Variants in ADAP1 observed in about 807,000 individuals in gnomAD.
ADAP1 encodes the protein arf-GAP with dual PH domain-containing protein 1.
In ADAP1, 31 loss-of-function variants were observed where a neutral mutation model predicts 54.9. That is an observed-to-expected ratio of 0.56 (90% confidence interval 0.42 to 0.76). ADAP1 has a LOEUF of 0.76. Ranked by LOEUF, ADAP1 falls within the 30% of genes least tolerant of loss-of-function variation. The pLI, the probability that ADAP1 is intolerant of heterozygous loss-of-function variation, is 0.00. For missense variants in ADAP1, 535 were observed against 512.4 expected, an observed-to-expected ratio of 1.04 and a Z score of -0.42; for synonymous variants, 313 against 202.6, an observed-to-expected ratio of 1.55 and a Z score of -4.63.
At position 905,047 on chromosome 7, in the gene ADAP1, G is replaced by T; in HGVS notation, c.501+13C>A. On this transcript the variant is annotated intron_variant, in intron 5 of 10. Transcript: ENST00000265846. ...TGGGACAGGCCCCCACCCCACCCCC[G>T]TCTGTGACTCACATCATTTCTGTTG... The T allele has an allele frequency of 6.2e-7, 1 of 1,606,912 alleles. No individual in the cohort carries two copies. Among genetic ancestry groups the T allele is most frequent in the Non-Finnish European group, 8.5e-7 (1 of 1,178,272 alleles).
rs1399881628 is a variant in ADAP1, at chr7:899,030, C to G, written c.1096+3G>C. 1 of 1,609,566 alleles carries G rather than the reference C, an allele frequency of 6.2e-7. No homozygotes were observed. On this transcript the variant is annotated splice_donor_region_variant and intron_variant, in intron 10 of 10. Coordinates refer to ENST00000265846, the MANE Select transcript of ADAP1 (RefSeq NM_006869.4). Reference sequence around the variant, plus strand: ...CAGGCCGCCGGCCGCCCGCCCCCCTCACCTGCGTACTCCTGGGGCAGCATG... The same window carrying G: ...CAGGCCGCCGGCCGCCCGCCCCCCTGACCTGCGTACTCCTGGGGCAGCATG...
In ADAP1 at chr7:926,976, G is replaced by C. The variant is rs1583170135; in HGVS notation, c.214-332C>G. On this transcript the variant is annotated intron_variant, in intron 2 of 10. Coordinates refer to ENST00000265846, the MANE Select transcript of ADAP1 (RefSeq NM_006869.4). The surrounding 1 kb of genome is among the most constrained non-coding windows in gnomAD (Gnocchi z 4.6). ...CACCCACACCGGGTGTCCCGTGGGA[G>C]AGAGCTGGCTGCATCCTGTGACCCC... 1 of 1,261,852 alleles carries C rather than the reference G, an allele frequency of 7.9e-7. No individual in the cohort carries two copies. The highest frequency in any genetic ancestry group is 4.6e-5 in the East Asian group (1 of 21,792). The allele number at this position is 1,261,852 out of a possible 1,614,324, so 78.2% of individuals were successfully genotyped here.
At chr7:937,143 C>T (rs1846789931) in intron 1 of ADAP1, among the ~76,000 whole-genome samples, 1 of 100,170 alleles carries the variant, frequency 1.0e-5, no homozygotes, top group Admixed American at 1.0e-4. Context: ...ATTTGGGGGT[C>T]ACGCCCGGCC....
chr7:954,432 G>A lies in ADAP1; in HGVS notation c.46C>T (p.Pro16Ser). 4 of 1,137,814 alleles carry A rather than the reference G, an allele frequency of 3.5e-6. No individual in the cohort carries two copies. Among genetic ancestry groups the A allele is most frequent in the Non-Finnish European group, 4.4e-6 (4 of 916,086 alleles). The allele number at this position is 1,137,814 out of a possible 1,614,324, so 70.5% of individuals were successfully genotyped here. A position where few individuals can be genotyped will look rare whatever the true frequency, so the allele number is the denominator to read the frequency against. ...CAGTCCGCGCAGCGCGCGTTCCCCG[G>A]CCGCTGCAGCAGCTCCAGGACCGCC... ...RRAVLELLQRPGNARCADCGA... is the reference protein window; with the variant it reads ...RRAVLELLQRSGNARCADCGA... The change falls in exon 1 of 11, where the codon CCG becomes TCG. Residue 16 changes from proline to serine, a missense_variant. Pro to Ser is a moderately conservative substitution (Grantham distance 74). Coordinates refer to ENST00000265846, the MANE Select transcript of ADAP1 (RefSeq NM_006869.4).
At chr7:955,314 C>T, upstream of ADAP1, 1 of 1,550,308 alleles carries the variant, frequency 6.5e-7, no homozygotes, top group Non-Finnish European at 8.7e-7. Context: ...CTCGCGTGCC[C>T]TTCCTCTGCA....
At chr7:951,386 A>T (rs76933160) in intron 1 of ADAP1, among the ~76,000 whole-genome samples, 2 of 151,276 alleles carry the variant, frequency 1.3e-5, no homozygotes, top group Non-Finnish European at 1.5e-5. Context: ...AAAAAAAAAA[A>T]ATATCCAACC....
chr7:943,223 A>T (rs1160669117), intron 1 of ADAP1, among the ~76,000 whole-genome samples: 1 of 47,404 alleles, frequency 2.1e-5, no homozygotes, highest in Admixed American at 1.9e-4. Context: ...GGAGGAAGAG[A>T]GAGGAGGAGG....
chr7:903,248 C>A (rs1844912023), intron 6 of ADAP1, among the ~76,000 whole-genome samples: 1 of 152,146 alleles, frequency 6.6e-6, no homozygotes, highest in African/African-American at 2.4e-5. Context: ...GACTCGGCCC[C>A]CTAACAAACC....
chr7:905,722 G>A (rs1845206552), intron 4 of ADAP1: 1 of 90,928 alleles, frequency 1.1e-5, no homozygotes, highest in African/African-American at 5.4e-5. Flanking sequence ...AAAGGAGAAA[G>A]GGAAAGGAGA....
intron 4 of ADAP1, among the ~76,000 whole-genome samples, chr7:905,786 GA>G (rs1221828037): frequency 5.0e-4 from 25 of 50,348 alleles, no homozygotes; most frequent in African/African-American, 1.7e-3. Flanking sequence ...GGAGAAAGGA[GA>G]AAGGAGAAAG....
At chr7:933,463 CAGGGGTCAGTGGTGCTGGAGAGCCGGGG>C (rs1239171413) in intron 2 of ADAP1, among the ~76,000 whole-genome samples, 207 of 93,654 alleles carry the variant, frequency 2.2e-3, no homozygotes, top group African/African-American at 5.8e-3. Flanking sequence ...CAACCAGGGG[CAGGGGTCAGTGGTGCTGGAGAGCCGGGG>C]GCCGGGGTCA....
At chr7:952,827 C>G (rs6462143) in intron 1 of ADAP1, among the ~76,000 whole-genome samples, 111,316 of 152,086 alleles carry the variant, frequency 0.73, 41,285 homozygotes, top group South Asian at 0.86. Flanking sequence ...GGCATAGGGA[C>G]GGCAGAGAAC....
At position 902,467 on chromosome 7, in the gene ADAP1, AAAAAGAAAG is replaced by A; in HGVS notation, c.648+1650_648+1658del. Among the ~76,000 whole-genome samples, 2 of 148,684 alleles carry A rather than the reference AAAAAGAAAG, an allele frequency of 1.3e-5. 1 individual carries two copies. Among genetic ancestry groups the A allele is most frequent in the Middle Eastern group, 6.8e-3 (2 of 292 alleles). ...GGGCGAAACTCTGCCTCAAAAAAAA[AAAAAGAAAG>A]AAAAGAAAGAAAGAAAAATAAATAC... is the stretch of plus-strand genomic sequence containing the variant. On this transcript the variant is annotated intron_variant, in intron 6 of 10. Transcript: ENST00000265846.
At chr7:899,558 C>T in intron 8 of ADAP1, 68 bp from the exon 9 acceptor site, 1 of 1,543,818 alleles carries the variant, frequency 6.5e-7, no homozygotes, top group Non-Finnish European at 8.8e-7. Context: ...CTGACCACAG[C>T]ACACCCCGGA....
At chr7:905,617 GAAAGGGA>G in intron 4 of ADAP1, 1 of 132,564 alleles carries the variant, frequency 7.5e-6, no homozygotes, top group African/African-American at 3.6e-5. Context: ...GGAGAAAGGA[GAAAGGGA>G]AAGGAGAAAG....
chr7:932,540 C>T (rs147898953), intron 2 of ADAP1, among the ~76,000 whole-genome samples: 3 of 152,290 alleles, frequency 2.0e-5, no homozygotes, highest in East Asian at 1.9e-4. Flanking sequence ...ACGGGACACC[C>T]GTCCCATCAT....
intron 4 of ADAP1, among the ~76,000 whole-genome samples, chr7:917,551 G>C (rs138862052): frequency 6.6e-6 from 1 of 152,126 alleles, no homozygotes; most frequent in Non-Finnish European, 1.5e-5. Context: ...TGCAACCTCC[G>C]CCTTCCAGGT....
intron 6 of ADAP1, 46 bp from the exon 7 acceptor site, chr7:900,662 G>GCTGGGGTCCCCACAGAGGGA (rs1844753264): frequency 7.4e-7 from 1 of 1,354,178 alleles, no homozygotes; most frequent in African/African-American, 2.0e-5. Flanking sequence ...AGGCTGCAGC[G>GCTGGGGTCCCCACAGAGGGA]CTGGGGTCCC....
intron 4 of ADAP1, among the ~76,000 whole-genome samples, chr7:910,780 G>A (rs1328564995): frequency 6.6e-6 from 1 of 152,168 alleles, no homozygotes; most frequent in Non-Finnish European, 1.5e-5. Context: ...ACAGGGAGGG[G>A]TGCACCATGG....
Sources: allele counts gnomAD v4.1 joint callset (sites outside exome capture counted in the v4.1 genomes callset), GRCh38; gene constraint gnomAD v4.1.1; non-coding constraint Gnocchi (gnomAD v3.1); transcripts MANE v1.5; gene names NCBI Gene and HGNC (gene_info 2026-07-23, HGNC 2026-07-21).